PTPRM: variants seen among roughly 807,000 people sequenced by gnomAD.
PTPRM encodes protein tyrosine phosphatase receptor type M, also known as receptor-type tyrosine-protein phosphatase mu.
PTPRM carries 47 observed loss-of-function variants against 186.7 expected under a neutral mutation model. The observed-to-expected ratio is 0.25, with a 90% CI of 0.20 to 0.32. The LOEUF is 0.32. Ranked by LOEUF, PTPRM falls within the 10% of genes least tolerant of loss-of-function variation. PTPRM has a pLI of 1.00. For missense variants in PTPRM, 1,494 were observed against 1,865.0 expected (o/e 0.80, Z 3.66); for synonymous variants, 668 against 674.9 (o/e 0.99, Z 0.16).
intron 14 of PTPRM, among the ~76,000 whole-genome samples, chr18:8,214,294 T>C (rs1347107471): frequency 6.6e-6 from 1 of 152,210 alleles, no homozygotes; most frequent in African/African-American, 2.4e-5. Context: ...TTTAGAAAAC[T>C]TTTAAAAAAT....
At chr18:8,185,680 T>C (rs2093633161) in intron 14 of PTPRM, among the ~76,000 whole-genome samples, 2 of 152,128 alleles carry the variant, frequency 1.3e-5, no homozygotes, top group South Asian at 2.1e-4. Flanking sequence ...TCCCAGGGAG[T>C]ATATGAGTTG....
At chr18:7,787,634 C>G (rs2043152743) in intron 2 of PTPRM, among the ~76,000 whole-genome samples, 1 of 152,214 alleles carries the variant, frequency 6.6e-6, no homozygotes, top group African/African-American at 2.4e-5. Context: ...TTGCCCCTCA[C>G]ACATTCACAC....
chr18:7,639,681 C>T (rs530059100), intron 1 of PTPRM, among the ~76,000 whole-genome samples: 11 of 152,320 alleles, frequency 7.2e-5, no homozygotes, highest in East Asian at 3.9e-4. Flanking sequence ...CTTGAGCCAC[C>T]GCTCTCGGCC....
intron 2 of PTPRM, among the ~76,000 whole-genome samples, chr18:7,785,453 G>A (rs190387821): frequency 6.6e-6 from 1 of 152,148 alleles, no homozygotes; most frequent in East Asian, 1.9e-4. Flanking sequence ...GAGAGAGAGA[G>A]AGCGCGCATG....
intron 11 of PTPRM, among the ~76,000 whole-genome samples, chr18:8,104,814 T>C (rs2091446557): frequency 6.6e-6 from 1 of 152,240 alleles, no homozygotes; most frequent in African/African-American, 2.4e-5. Context: ...TTTTAGAATA[T>C]TGGATTATTT....
intron 14 of PTPRM, among the ~76,000 whole-genome samples, chr18:8,169,572 A>G (rs1209193479): frequency 6.6e-6 from 1 of 152,168 alleles, no homozygotes; most frequent in East Asian, 1.9e-4. Flanking sequence ...ACAAGGAAGA[A>G]AAAAACCTTA....
chr18:7,567,582 G>C lies in PTPRM; in HGVS notation c.-237G>C. 1 of 393,536 alleles carries C rather than the reference G, an allele frequency of 2.5e-6. No individual in the cohort carries two copies. The highest frequency in any genetic ancestry group is 4.5e-6 in the Non-Finnish European group (1 of 223,824). The allele number at this position is 393,536 out of a possible 1,614,324, so 24.4% of individuals were successfully genotyped here. ...TCGCCCTCCGCTCCCTCTGCCAGCG[G>C]CGCCAGACGCCGAGTGGGGCCAGGG... On this transcript the variant is annotated 5_prime_UTR_variant, in exon 1 of 33. Coordinates refer to ENST00000580170, the MANE Select transcript of PTPRM (RefSeq NM_001105244.2). This position sits in a 1 kb window ranked among gnomAD's most constrained non-coding sequence, Gnocchi z 4.3.
chr18:7,739,664 T>A (rs559013558), intron 1 of PTPRM, among the ~76,000 whole-genome samples: 1 of 152,322 alleles, frequency 6.6e-6, no homozygotes, highest in Non-Finnish European at 1.5e-5. Context: ...GTTTGTCTCT[T>A]ATCCGTTGTA....
At chr18:7,807,682 C>T (rs973783192) in intron 2 of PTPRM, among the ~76,000 whole-genome samples, 26 of 152,282 alleles carry the variant, frequency 1.7e-4, no homozygotes, top group Admixed American at 1.5e-3. Context: ...AAGTGCACCA[C>T]TCTGTTGAGA....
In PTPRM at chr18:7,576,229, G is replaced by A. The variant is rs970855745; in HGVS notation, c.73+8338G>A. ...GCTGCAAAGCATAAAAGCTTATAGA[G>A]CATCAGTTTTTCAGATGGGTGAATA... On this transcript the variant is annotated intron_variant, in intron 1 of 32. Transcript: ENST00000580170. Among the ~76,000 whole-genome samples, 12 of 152,318 alleles carry A rather than the reference G, an allele frequency of 7.9e-5. No individual in the cohort carries two copies. In the East Asian group the frequency reaches 1.4e-3, roughly 17 times the overall value.
chr18:7,699,311 G>T (rs1384642127), intron 1 of PTPRM, among the ~76,000 whole-genome samples: 2 of 152,116 alleles, frequency 1.3e-5, no homozygotes. Flanking sequence ...TAAGTCCTTT[G>T]TCAGATATAC....
intron 1 of PTPRM, among the ~76,000 whole-genome samples, chr18:7,643,297 T>C (rs930891310): frequency 6.6e-6 from 1 of 152,098 alleles, no homozygotes; most frequent in Non-Finnish European, 1.5e-5. Context: ...AAAACCTATG[T>C]TTCTTAAGGC....
intron 19 of PTPRM, among the ~76,000 whole-genome samples, chr18:8,255,096 A>G (rs1387469620): frequency 6.6e-6 from 1 of 152,266 alleles, no homozygotes; most frequent in African/African-American, 2.4e-5. Context: ...ATGCACTTTT[A>G]AAGTCTAGCT....
chr18:8,152,527 G>A (rs941668658), intron 14 of PTPRM, among the ~76,000 whole-genome samples: 2 of 151,860 alleles, frequency 1.3e-5, no homozygotes, highest in Admixed American at 6.6e-5. Flanking sequence ...GTCATGTGCC[G>A]TTTATCTCTT....
At chr18:8,004,463 T>C (rs1046038533) in intron 7 of PTPRM, among the ~76,000 whole-genome samples, 4 of 150,822 alleles carry the variant, frequency 2.7e-5, no homozygotes, top group African/African-American at 9.7e-5. Flanking sequence ...TCTAGTGAAC[T>C]TTAAAAAAAA....
chr18:8,225,378 A>T (rs969773747), intron 14 of PTPRM, among the ~76,000 whole-genome samples: 1 of 141,002 alleles, frequency 7.1e-6, no homozygotes, highest in Non-Finnish European at 1.5e-5. Context: ...AGTTCATTCA[A>T]GTTGTCTCTT....
At chr18:8,234,210 A>C (rs918708035) in intron 14 of PTPRM, among the ~76,000 whole-genome samples, 1 of 152,176 alleles carries the variant, frequency 6.6e-6, no homozygotes, top group Admixed American at 6.5e-5. Flanking sequence ...GGAAGAATTG[A>C]CATGTGGACA....
intron 19 of PTPRM, among the ~76,000 whole-genome samples, chr18:8,264,383 T>C (rs2094672951): frequency 1.3e-5 from 2 of 151,950 alleles, no homozygotes; most frequent in South Asian, 4.2e-4. Flanking sequence ...CTTTGAGGGG[T>C]GGACTTTCCA....
At chr18:8,016,025 A>G (rs935408392) in intron 7 of PTPRM, among the ~76,000 whole-genome samples, 1 of 152,198 alleles carries the variant, frequency 6.6e-6, no homozygotes, top group Non-Finnish European at 1.5e-5. Flanking sequence ...CTGTGTAAAC[A>G]CTGAAATGAA....
Sources: allele counts gnomAD v4.1 joint callset (sites outside exome capture counted in the v4.1 genomes callset), GRCh38; gene constraint gnomAD v4.1.1; non-coding constraint Gnocchi (gnomAD v3.1); transcripts MANE v1.5; gene names NCBI Gene and HGNC (gene_info 2026-07-23, HGNC 2026-07-21).